The following ADGRB3 variants were observed in gnomAD, a reference collection of about 807,000 sequenced individuals.
The protein encoded by ADGRB3 is brain-specific angiogenesis inhibitor 3.
In ADGRB3, 37 loss-of-function variants were observed where a neutral mutation model predicts 193.4. The observed-to-expected ratio is 0.19, with a 90% CI of 0.15 to 0.25. The LOEUF (loss-of-function observed/expected upper bound fraction) is 0.25, where lower values mean the gene tolerates loss of function less well. Among genes scored for constraint, ADGRB3 ranks in the 10% least tolerant of loss-of-function variants. ADGRB3 has a pLI of 1.00. For synonymous variants in ADGRB3, 690 were observed against 644.2 expected (o/e 1.07, Z -1.08); for missense variants, 1,637 against 1,852.9 (o/e 0.88, Z 2.14).
chr6:69,178,786 T>C (rs1460644186), intron 17 of ADGRB3, among the ~76,000 whole-genome samples: 1 of 152,224 alleles, frequency 6.6e-6, no homozygotes, highest in Non-Finnish European at 1.5e-5. Context: ...CCTCAGTCTC[T>C]ATTGGTTTAT....
chr6:69,141,128 T>TTTGG (rs1263672101), intron 17 of ADGRB3, among the ~76,000 whole-genome samples: 10 of 121,560 alleles, frequency 8.2e-5, no homozygotes, highest in East Asian at 7.5e-4. Context: ...TCTTTTTTTT[T>TTTGG]GGGGGGGGCG....
Position 69,011,353 on chromosome 6 carries a change from T to C in ADGRB3, c.1930-2685T>C, listed in dbSNP as rs62418319. ...ACATGGATGCAGCTGGAGGCCATTA[T>C]CCTAAGCAAATTAATGCAGGAACAG... On this transcript the variant is annotated intron_variant, in intron 11 of 31. Coordinates refer to ENST00000370598, the MANE Select transcript of ADGRB3 (RefSeq NM_001704.3). 3.0e-3 allele frequency among the ~76,000 whole-genome samples: 458 copies of C among 152,162 alleles called. 1 individual carries two copies. The highest frequency in any genetic ancestry group is 6.8e-3 in the Middle Eastern group (2 of 294).
chr6:68,702,843 T>C (rs1235684817), intron 3 of ADGRB3, among the ~76,000 whole-genome samples: 4 of 152,188 alleles, frequency 2.6e-5, no homozygotes, highest in Non-Finnish European at 4.4e-5. Flanking sequence ...GCTGATACAT[T>C]CGACTGAAAT....
Position 69,360,887 on chromosome 6 carries a change from G to T in ADGRB3, c.3614G>T (p.Gly1205Val), listed in dbSNP as rs780355361. 5.0e-6 allele frequency: 8 copies of T among 1,607,222 alleles called. No individual in the cohort carries two copies. Among genetic ancestry groups the T allele is most frequent in the South Asian group, 2.2e-5 (2 of 90,218 alleles). The change falls in exon 29 of 32, where the codon GGT becomes GTT. Residue 1205 changes from glycine to valine, a missense_variant. Coordinates refer to ENST00000370598, the MANE Select transcript of ADGRB3 (RefSeq NM_001704.3). ...ACRSVLHKDI[G>V]PCRAATITGT... The stretch of plus-strand genomic sequence containing the variant: ...CTCACAGTTCTTCATAAGGATATTG[G>T]TCCTTGCCGAGCAGCCACAATAACA...
intron 3 of ADGRB3, among the ~76,000 whole-genome samples, chr6:68,810,653 A>C (rs920077194): frequency 7.2e-5 from 11 of 152,224 alleles, no homozygotes; most frequent in Non-Finnish European, 1.3e-4. Context: ...ATGAGATAAG[A>C]AAAATACAAA....
intron 26 of ADGRB3, among the ~76,000 whole-genome samples, chr6:69,344,418 T>C (rs1371239770): frequency 6.6e-6 from 1 of 152,218 alleles, no homozygotes; most frequent in Non-Finnish European, 1.5e-5. Context: ...GCCTATTTCC[T>C]ATTTAGTCTT....
chr6:68,809,040 CA>C (rs1307328217), intron 3 of ADGRB3, among the ~76,000 whole-genome samples: 1 of 147,798 alleles, frequency 6.8e-6, no homozygotes, highest in Non-Finnish European at 1.5e-5. Context: ...TTGAACATTC[CA>C]AACCCTGGCC....
At chr6:68,936,793 G>A in intron 5 of ADGRB3, 113 bp downstream of exon 5, 1 of 1,117,084 alleles carries the variant, frequency 9.0e-7, no homozygotes, top group East Asian at 2.6e-5. Context: ...GATTAGAGTG[G>A]ATAAGTGTAA....
chr6:69,354,413 A>C, intron 27 of ADGRB3, 85 bp downstream of exon 27: 1 of 1,179,292 alleles, frequency 8.5e-7, no homozygotes, highest in South Asian at 1.3e-5. Context: ...AAATAGTGTA[A>C]AATTTTCATT....
intron 17 of ADGRB3, among the ~76,000 whole-genome samples, chr6:69,093,309 G>T (rs775191688): frequency 6.6e-6 from 1 of 151,832 alleles, no homozygotes; most frequent in Non-Finnish European, 1.5e-5. Flanking sequence ...AAGGGATGGG[G>T]TGGGCATTCT....
At chr6:68,885,823 G>A (rs962377608) in intron 3 of ADGRB3, among the ~76,000 whole-genome samples, 5 of 152,110 alleles carry the variant, frequency 3.3e-5, no homozygotes, top group African/African-American at 9.7e-5. Context: ...CGTATCCAGG[G>A]AAAACCTGAC....
chr6:68,653,693 A>T (rs1364252793), intron 3 of ADGRB3, among the ~76,000 whole-genome samples: 28 of 152,096 alleles, frequency 1.8e-4, no homozygotes. Context: ...TTAAAACTAC[A>T]TTAGAGAGAA....
chr6:69,060,046 T>C (rs932746031), intron 15 of ADGRB3, among the ~76,000 whole-genome samples: 1 of 152,060 alleles, frequency 6.6e-6, no homozygotes, highest in African/African-American at 2.4e-5. Context: ...TTCGTAGAGG[T>C]AGGTGCACGT....
At chr6:68,882,172 C>T (rs1352825637) in intron 3 of ADGRB3, among the ~76,000 whole-genome samples, 1 of 152,156 alleles carries the variant, frequency 6.6e-6, no homozygotes. Context: ...TAATATGGAT[C>T]TTACTTCTAC....
At chr6:69,054,560 C>A (rs1486511023) in intron 15 of ADGRB3, among the ~76,000 whole-genome samples, 1 of 152,082 alleles carries the variant, frequency 6.6e-6, no homozygotes, top group East Asian at 1.9e-4. Flanking sequence ...TTTAGAATGT[C>A]TTCTCATGAA....
chr6:68,834,979 T>G (rs958285550), intron 3 of ADGRB3, among the ~76,000 whole-genome samples: 2 of 152,014 alleles, frequency 1.3e-5, no homozygotes, highest in Non-Finnish European at 2.9e-5. Flanking sequence ...TTAAAAAAAA[T>G]CCAAGCATTT....
intron 31 of ADGRB3, among the ~76,000 whole-genome samples, chr6:69,387,945 G>C (rs1770109213): frequency 6.6e-6 from 1 of 151,986 alleles, no homozygotes; most frequent in African/African-American, 2.4e-5. Context: ...GGAATATTGG[G>C]CTTCTAAGAT....
At chr6:69,094,387 T>C (rs1053726016) in intron 17 of ADGRB3, among the ~76,000 whole-genome samples, 3 of 152,274 alleles carry the variant, frequency 2.0e-5, no homozygotes, top group Admixed American at 2.0e-4. Flanking sequence ...TTTTCACTTA[T>C]CAGTTGCTCC....
chr6:68,865,708 T>A (rs1449641410), intron 3 of ADGRB3, among the ~76,000 whole-genome samples: 1 of 152,148 alleles, frequency 6.6e-6, no homozygotes. Flanking sequence ...GGAAACTCAT[T>A]CATTTTCCTG....
Sources: gnomAD v4.1 joint callset for allele counts (sites outside exome capture counted in the v4.1 genomes callset) on GRCh38, gnomAD v4.1.1 for gene constraint, MANE v1.5 for transcripts, NCBI Gene and HGNC (gene_info 2026-07-23, HGNC 2026-07-21) for gene names.